The following KCNJ6 variants were observed in gnomAD, a reference collection of about 807,000 sequenced individuals.
KCNJ6 encodes potassium inwardly rectifying channel subfamily J member 6.
KCNJ6 carries 9 observed loss-of-function variants against 34.2 expected under a neutral mutation model. That is an observed-to-expected ratio of 0.26 (90% confidence interval 0.16 to 0.46). The LOEUF is 0.46. KCNJ6 is among the 20% of genes least tolerant of loss of function. KCNJ6 has a pLI of 1.00. For missense variants in KCNJ6, 236 were observed against 531.3 expected, an observed-to-expected ratio of 0.44 and a Z score of 5.46; for synonymous variants, 196 against 207.1, an observed-to-expected ratio of 0.95 and a Z score of 0.46.
intron 2 of KCNJ6, chr21:37,719,289 A>G (rs1388209303): frequency 6.6e-6 from 1 of 152,306 alleles, no homozygotes; most frequent in Non-Finnish European, 1.5e-5. Context: ...TGCAGGGTAA[A>G]TATAGAAGGA....
chr21:37,747,585 C>T (rs968418319), intron 2 of KCNJ6, among the ~76,000 whole-genome samples: 6 of 152,080 alleles, frequency 3.9e-5, no homozygotes, highest in Admixed American at 6.5e-5. Flanking sequence ...CTGGATTATC[C>T]GGGAAGCCCA....
chr21:37,749,129 C>G (rs1242417531), intron 2 of KCNJ6, among the ~76,000 whole-genome samples: 2 of 152,178 alleles, frequency 1.3e-5, no homozygotes, highest in East Asian at 1.9e-4. Flanking sequence ...AGGTCAATTT[C>G]TAACTTCTGA....
chr21:37,731,946 C>A (rs2054887680), intron 2 of KCNJ6, among the ~76,000 whole-genome samples: 2 of 152,266 alleles, frequency 1.3e-5, no homozygotes, highest in Admixed American at 1.3e-4. Context: ...CCCAGAGACT[C>A]TGAATAGGGT....
At chr21:37,897,569 C>T (rs2055795079) in intron 1 of KCNJ6, among the ~76,000 whole-genome samples, 1 of 152,224 alleles carries the variant, frequency 6.6e-6, no homozygotes, top group South Asian at 2.1e-4. Context: ...TGCCCTGTGG[C>T]CTGTCCCCAT....
At position 37,616,974 on chromosome 21, in the gene KCNJ6, C is replaced by T. The variant is rs73220494; in HGVS notation, c.*8185G>A. On this transcript the variant is annotated 3_prime_UTR_variant, in exon 4 of 4. Transcript: ENST00000609713. ...TGACCCTGATAGAGGTGGGGATGTGCGATTTCTTTTCTCTTTCTTTCTTTC... is the reference window on the plus strand; with the variant it reads ...TGACCCTGATAGAGGTGGGGATGTGTGATTTCTTTTCTCTTTCTTTCTTTC... 45,995 of 148,844 alleles carry T rather than the reference C, an allele frequency of 0.31. 7,560 individuals carry two copies. The highest frequency in any genetic ancestry group is 0.34 in the South Asian group (1,578 of 4,610). The allele number at this position is 148,844 out of a possible 1,614,324, so 9.2% of individuals were successfully genotyped here. A position where few individuals can be genotyped will look rare whatever the true frequency, so the allele number is the denominator to read the frequency against.
intron 1 of KCNJ6, among the ~76,000 whole-genome samples, chr21:37,848,367 C>T (rs2055520700): frequency 6.6e-6 from 1 of 152,206 alleles, no homozygotes. Context: ...CTAAAATAAT[C>T]TGAAATTTTC....
chr21:37,790,134 A>G (rs1239134217), intron 2 of KCNJ6, among the ~76,000 whole-genome samples: 1 of 152,164 alleles, frequency 6.6e-6, no homozygotes, highest in East Asian at 1.9e-4. Context: ...CTTCAAGGCT[A>G]AATGTTACAT....
chr21:37,843,121 C>G (rs536976012), intron 1 of KCNJ6, among the ~76,000 whole-genome samples: 10 of 152,288 alleles, frequency 6.6e-5, no homozygotes, highest in African/African-American at 2.2e-4. Flanking sequence ...TTCTAACAAG[C>G]CCTGTTTAGT....
intron 2 of KCNJ6, among the ~76,000 whole-genome samples, chr21:37,834,664 AATGTGTGGTG>A: frequency 6.6e-6 from 1 of 152,358 alleles, no homozygotes; most frequent in South Asian, 2.1e-4. Flanking sequence ...GAGCTAATTT[AATGTGTGGTG>A]ATTGTAATTG....
In KCNJ6 at chr21:37,623,459, T is replaced by A. The variant is rs958433797; in HGVS notation, c.*1700A>T. 9 of 152,208 alleles carry A rather than the reference T, an allele frequency of 5.9e-5. No homozygotes were observed. Among genetic ancestry groups the A allele is most frequent in the Non-Finnish European group, 1.2e-4 (8 of 68,030 alleles). 9.4% of individuals were successfully genotyped at this position (152,208 alleles called of 1,614,324 possible). On this transcript the variant is annotated 3_prime_UTR_variant, in exon 4 of 4. Transcript: ENST00000609713. The stretch of plus-strand genomic sequence containing the variant: ...TGAATATTTATGATGGGCAACTGTG[T>A]TAAAGAACAAACAGCTTATAAATGC...
intron 1 of KCNJ6, among the ~76,000 whole-genome samples, chr21:37,890,551 C>T (rs2055757310): frequency 1.3e-5 from 2 of 152,316 alleles, no homozygotes; most frequent in African/African-American, 4.8e-5. Flanking sequence ...GAAGACACTC[C>T]TGCAAGAAGG....
intron 1 of KCNJ6, among the ~76,000 whole-genome samples, chr21:37,852,508 C>T (rs1368935228): frequency 1.3e-5 from 2 of 152,192 alleles, no homozygotes; most frequent in African/African-American, 2.4e-5. Context: ...CATTACCATC[C>T]AGCAGTAAAA....
chr21:37,834,067 C>T (rs2053538086), intron 2 of KCNJ6, among the ~76,000 whole-genome samples: 1 of 152,174 alleles, frequency 6.6e-6, no homozygotes, highest in Admixed American at 6.5e-5. Context: ...TCTAGGTCCC[C>T]AGAGCCTCTC....
At chr21:37,676,356 T>C (rs2054564718) in intron 3 of KCNJ6, among the ~76,000 whole-genome samples, 1 of 152,152 alleles carries the variant, frequency 6.6e-6, no homozygotes, top group Non-Finnish European at 1.5e-5. Context: ...CTAAGCTCCA[T>C]CTATTAGTGC....
chr21:37,722,889 G>A (rs1227884870), intron 2 of KCNJ6, among the ~76,000 whole-genome samples: 3 of 152,282 alleles, frequency 2.0e-5, no homozygotes, highest in Non-Finnish European at 1.5e-5. Flanking sequence ...AAGAATATAT[G>A]ACTACGTCCC....
At chr21:37,707,747 T>C (rs1474179751) in intron 3 of KCNJ6, among the ~76,000 whole-genome samples, 2 of 942 alleles carry the variant, frequency 2.1e-3, no homozygotes, top group African/African-American at 5.3e-3. Context: ...ATAATTTACA[T>C]AGCTTTCCCC....
intron 1 of KCNJ6, among the ~76,000 whole-genome samples, chr21:37,913,402 C>T (rs1447440537): frequency 6.6e-6 from 1 of 152,200 alleles, no homozygotes; most frequent in Non-Finnish European, 1.5e-5. Context: ...TGATCACTGG[C>T]TCTCATCTTG....
At chr21:37,662,021 CTTATG>C (rs1021740831) in intron 3 of KCNJ6, among the ~76,000 whole-genome samples, 11 of 152,178 alleles carry the variant, frequency 7.2e-5, no homozygotes, top group East Asian at 5.8e-4. Flanking sequence ...TTGCGTTCTG[CTTATG>C]TTATAATAAC....
chr21:37,766,215 G>A (rs1239261256), intron 2 of KCNJ6, among the ~76,000 whole-genome samples: 1 of 152,220 alleles, frequency 6.6e-6, no homozygotes, highest in Non-Finnish European at 1.5e-5. Flanking sequence ...ACTAAGAATG[G>A]CGGCTCTGTA....
Sources: allele counts gnomAD v4.1 joint callset (sites outside exome capture counted in the v4.1 genomes callset), GRCh38; gene constraint gnomAD v4.1.1; transcripts MANE v1.5; gene names NCBI Gene and HGNC (gene_info 2026-07-23, HGNC 2026-07-21).